Variants in CDH18 observed in about 807,000 individuals in gnomAD.
CDH18 encodes cadherin-18.
A neutral mutation model predicts 67.9 loss-of-function variants in CDH18; 31 were observed. The ratio of observed to expected loss-of-function variants is 0.46; its 90% confidence interval spans 0.34 to 0.62. The LOEUF is 0.62. Among genes scored for constraint, CDH18 ranks in the 20% least tolerant of loss-of-function variants. CDH18 has a pLI of 0.01. For synonymous variants in CDH18, 362 were observed against 347.2 expected, an observed-to-expected ratio of 1.04 and a Z score of -0.48; for missense variants, 890 against 975.5, an observed-to-expected ratio of 0.91 and a Z score of 1.17.
intron 2 of CDH18, among the ~76,000 whole-genome samples, chr5:20,199,599 A>C (rs1739281873): frequency 6.6e-6 from 1 of 152,150 alleles, no homozygotes. Context: ...GGAATGAGTT[A>C]AGACTTTGGG....
At chr5:19,558,238 A>T (rs1738802153) in intron 8 of CDH18, among the ~76,000 whole-genome samples, 1 of 149,216 alleles carries the variant, frequency 6.7e-6, no homozygotes, top group African/African-American at 2.4e-5. Flanking sequence ...TCAAGGAAGT[A>T]GAGAAACAAG....
At chr5:20,212,076 G>A (rs1740398360) in intron 2 of CDH18, among the ~76,000 whole-genome samples, 1 of 152,150 alleles carries the variant, frequency 6.6e-6, no homozygotes, top group Admixed American at 6.5e-5. Flanking sequence ...ACAGCATAGA[G>A]AAGACCTTAA....
chr5:20,259,973 CA>C (rs1029854859), intron 1 of CDH18, among the ~76,000 whole-genome samples: 11 of 147,054 alleles, frequency 7.5e-5, no homozygotes, highest in African/African-American at 2.2e-4. Flanking sequence ...GTCTTACAAA[CA>C]AAAAAAAAAT....
At chr5:20,032,009 A>G (rs1029419271) in intron 2 of CDH18, among the ~76,000 whole-genome samples, 8 of 151,988 alleles carry the variant, frequency 5.3e-5, no homozygotes, top group African/African-American at 1.9e-4. Context: ...ATGGGACAAG[A>G]CTGACCTACC....
intron 1 of CDH18, among the ~76,000 whole-genome samples, chr5:20,488,005 C>G (rs932374485): frequency 6.6e-6 from 1 of 152,126 alleles, no homozygotes; most frequent in African/African-American, 2.4e-5. Flanking sequence ...TGGCCCATCT[C>G]TCAGTGGCTG....
intron 1 of CDH18, among the ~76,000 whole-genome samples, chr5:20,547,408 A>G (rs1322666127): frequency 6.6e-6 from 1 of 151,932 alleles, no homozygotes; most frequent in Non-Finnish European, 1.5e-5. Flanking sequence ...TAAAAATACA[A>G]AAACTAGCTG....
At chr5:20,422,181 T>C (rs1254178386) in intron 1 of CDH18, among the ~76,000 whole-genome samples, 4 of 149,152 alleles carry the variant, frequency 2.7e-5, no homozygotes, top group Non-Finnish European at 5.9e-5. Context: ...ATTTTAGTTA[T>C]AGTCAAACTT....
At chr5:19,863,797 G>C (rs1158448206) in intron 2 of CDH18, among the ~76,000 whole-genome samples, 1 of 152,152 alleles carries the variant, frequency 6.6e-6, no homozygotes, top group Admixed American at 6.5e-5. Flanking sequence ...ACAACATAGG[G>C]AGGCTGTGAG....
intron 3 of CDH18, among the ~76,000 whole-genome samples, chr5:19,813,307 G>A (rs1468569733): frequency 1.3e-5 from 2 of 151,604 alleles, no homozygotes; most frequent in African/African-American, 4.8e-5. Context: ...ATTACAATAG[G>A]CACAATGGAA....
intron 2 of CDH18, among the ~76,000 whole-genome samples, chr5:20,022,458 A>G (rs1028832213): frequency 2.6e-5 from 4 of 152,228 alleles, no homozygotes; most frequent in Middle Eastern, 3.2e-3. Flanking sequence ...CTGAAAAATA[A>G]CTTAAACATC....
intron 2 of CDH18, among the ~76,000 whole-genome samples, chr5:19,876,526 A>C (rs1787023953): frequency 6.6e-6 from 1 of 151,968 alleles, no homozygotes. Context: ...TTTGCTTCTT[A>C]TTTCTCCTTT....
chr5:20,524,736 A>G (rs1045576950), intron 1 of CDH18, among the ~76,000 whole-genome samples: 11 of 152,160 alleles, frequency 7.2e-5, no homozygotes, highest in African/African-American at 2.7e-4. Flanking sequence ...TGTTGAGAAG[A>G]AAAGGGTTTT....
intron 2 of CDH18, among the ~76,000 whole-genome samples, chr5:20,069,241 T>C (rs1743238231): frequency 1.3e-5 from 2 of 152,044 alleles, no homozygotes; most frequent in Non-Finnish European, 2.9e-5. Context: ...GTACTTGCTA[T>C]GCTTTCTATC....
At chr5:19,584,949 C>CT (rs1561403771) in intron 7 of CDH18, among the ~76,000 whole-genome samples, 1 of 150,790 alleles carries the variant, frequency 6.6e-6, no homozygotes, top group East Asian at 2.0e-4. Context: ...GAGTCAAGAT[C>CT]GCACCACTGC....
At chr5:19,616,154 A>G (rs1406753317) in intron 5 of CDH18, among the ~76,000 whole-genome samples, 1 of 152,140 alleles carries the variant, frequency 6.6e-6, no homozygotes, top group Non-Finnish European at 1.5e-5. Context: ...CAATATTGTG[A>G]TAAAAAATTT....
chr5:20,504,758 G>T (rs1754551560), intron 1 of CDH18, among the ~76,000 whole-genome samples: 1 of 132,944 alleles, frequency 7.5e-6, no homozygotes, highest in Non-Finnish European at 1.5e-5. Flanking sequence ...ACACAAAAGG[G>T]AATTTTTTTT....
chr5:20,518,611 C>T (rs987016449), intron 1 of CDH18, among the ~76,000 whole-genome samples: 3 of 152,132 alleles, frequency 2.0e-5, no homozygotes, highest in Non-Finnish European at 4.4e-5. Flanking sequence ...CAGTAAATCT[C>T]TCTTTTTAAA....
chr5:19,724,763 G>C (rs1766580943), intron 4 of CDH18, among the ~76,000 whole-genome samples: 1 of 152,134 alleles, frequency 6.6e-6, no homozygotes, highest in Non-Finnish European at 1.5e-5. Flanking sequence ...TCCATTCTTA[G>C]AGAGGTAGTT....
chr5:20,400,293 C>A (rs1745648204), intron 1 of CDH18, among the ~76,000 whole-genome samples: 17 of 151,966 alleles, frequency 1.1e-4, no homozygotes, highest in Admixed American at 1.1e-3. Flanking sequence ...GCTTGGCCAA[C>A]ATGGTAAAAA....
Sources: gnomAD v4.1 joint callset for allele counts (sites outside exome capture counted in the v4.1 genomes callset) on GRCh38, gnomAD v4.1.1 for gene constraint, MANE v1.5 for transcripts, NCBI Gene and HGNC (gene_info 2026-07-23, HGNC 2026-07-21) for gene names.